Variants in REPS2 observed in about 807,000 individuals in gnomAD.
REPS2 encodes the protein RALBP1 associated Eps domain containing 2, also known as ralBP1-associated Eps domain-containing protein 2.
A neutral mutation model predicts 53.6 loss-of-function variants in REPS2; 23 were observed. The ratio of observed to expected loss-of-function variants is 0.43; its 90% CI spans 0.31 to 0.61. The LOEUF is 0.61. Among genes scored for constraint, REPS2 ranks in the 20% least tolerant of loss-of-function variants. The pLI, the probability that REPS2 is intolerant of heterozygous loss-of-function variation, is 0.11. For missense variants in REPS2, 446 were observed against 534.9 expected (o/e 0.83, Z 1.64); for synonymous variants, 238 against 218.6 (o/e 1.09, Z -0.78).
chrX:16,994,408 C>T (rs991826019), intron 1 of REPS2, among the ~76,000 whole-genome samples: 10 of 110,009 alleles, frequency 9.1e-5, no homozygotes, highest in African/African-American at 3.3e-4. Context: ...TATACACACA[C>T]GTACATATAT....
rs567613228 is a variant in REPS2 at position 17,031,276 on chromosome X, T to C, written c.771+1653T>C. On this transcript the variant is annotated intron_variant, in intron 5 of 17. Coordinates refer to ENST00000357277, the MANE Select transcript of REPS2 (RefSeq NM_004726.3). ...GCCAGATCCTGAATGGTTAGGATGA[T>C]AGTCAAACTACCAGTGCATACTGAG... Among the ~76,000 whole-genome samples, 16 of 112,085 alleles carry C rather than the reference T, an allele frequency of 1.4e-4. No homozygotes were observed. The South Asian group carries it at 5.9e-3, about 42-fold the overall frequency.
At chrX:16,955,785 C>CA (rs1490047795) in intron 1 of REPS2, among the ~76,000 whole-genome samples, 1 of 111,688 alleles carries the variant, frequency 9.0e-6, no homozygotes, top group Non-Finnish European at 1.9e-5. Flanking sequence ...TACAAAACAA[C>CA]AGAGACCAGG....
chrX:16,999,789 G>A (rs188155734), intron 1 of REPS2, among the ~76,000 whole-genome samples: 1,196 of 109,742 alleles, frequency 0.011, 9 homozygotes, highest in Non-Finnish European at 0.017. Flanking sequence ...GCTCACGCCT[G>A]TAATCCCAGC....
At chrX:17,126,076 G>A (rs62587803) in intron 14 of REPS2, among the ~76,000 whole-genome samples, 40 of 112,508 alleles carry the variant, frequency 3.6e-4, no homozygotes, top group Non-Finnish European at 6.6e-4. Flanking sequence ...ATTTATTAAT[G>A]TCATGTTCAT....
At chrX:16,949,463 G>A (rs1252276389) in intron 1 of REPS2, among the ~76,000 whole-genome samples, 3 of 111,961 alleles carry the variant, frequency 2.7e-5, no homozygotes, top group Non-Finnish European at 5.6e-5. Flanking sequence ...GCTGGAGTGC[G>A]GTGGCGTGAT....
chrX:17,138,864 C>T lies in REPS2; in HGVS notation c.1817C>T (p.Ser606Phe), dbSNP rs749663785. 3.3e-6 allele frequency: 4 copies of T among 1,195,020 alleles called. No homozygotes were observed. The East Asian group carries it at 1.2e-4, about 36-fold the overall frequency. The change falls in exon 17 of 18, where the codon TCC (serine) becomes TTC (phenylalanine). Residue 606 changes from serine to phenylalanine, a missense_variant. Ser to Phe is a radical substitution (Grantham distance 155). Transcript: ENST00000357277. ...TTTGTGCTTTTCTATAGGCAGTCTT[C>T]CAAACAGAAGAAGGCCATTCAAACT... ...KPHPTVQKQSSKQKKAIQTAI... is the reference protein window; with the variant it reads ...KPHPTVQKQSFKQKKAIQTAI...
At chrX:17,093,201 AT>A (rs66504615) in intron 13 of REPS2, among the ~76,000 whole-genome samples, 2,186 of 21,657 alleles carry the variant, frequency 0.1, 80 homozygotes, top group South Asian at 0.17. Flanking sequence ...TATATATATA[AT>A]TTTTTTTTTG....
Position 17,151,151 on chromosome X carries a change from G to A in REPS2, c.*3670G>A, listed in dbSNP as rs1011325478. 7.1e-5 allele frequency: 8 copies of A among 112,048 alleles called. No homozygotes were observed. The highest frequency in any genetic ancestry group is 1.3e-4 in the Non-Finnish European group (7 of 53,179). The allele number at this position is 112,048 out of a possible 1,213,427, so 9.2% of individuals were successfully genotyped here. A position where few individuals can be genotyped will look rare whatever the true frequency, so the allele number is the denominator to read the frequency against. The stretch of plus-strand genomic sequence containing the variant: ...GAGGTTGTTTTTAAAATAGACTACT[G>A]CGATTGAAATGAACTCAATATGTAG... On this transcript the variant is annotated 3_prime_UTR_variant, in exon 18 of 18. Coordinates refer to ENST00000357277, the MANE Select transcript of REPS2 (RefSeq NM_004726.3).
At chrX:17,116,631 C>T (rs1256029191) in intron 14 of REPS2, among the ~76,000 whole-genome samples, 3 of 111,870 alleles carry the variant, frequency 2.7e-5, no homozygotes, top group Non-Finnish European at 5.6e-5. Flanking sequence ...TGTTATTAAG[C>T]CTCTATCACT....
chrX:16,965,034 C>T (rs1344405480), intron 1 of REPS2, among the ~76,000 whole-genome samples: 2 of 85,308 alleles, frequency 2.3e-5, no homozygotes, highest in Non-Finnish European at 4.6e-5. Flanking sequence ...GCTGGCCGGG[C>T]GGGGGGCTGA....
intron 1 of REPS2, among the ~76,000 whole-genome samples, chrX:16,973,707 T>C (rs2060922089): frequency 9.0e-6 from 1 of 111,642 alleles, no homozygotes; most frequent in African/African-American, 3.2e-5. Context: ...GGAAATCCTG[T>C]ATACCCTTTA....
At chrX:17,017,364 C>T (rs755831074) in intron 2 of REPS2, among the ~76,000 whole-genome samples, 12 of 111,380 alleles carry the variant, frequency 1.1e-4, no homozygotes, top group African/African-American at 3.6e-4. Context: ...ACAAAAAGGT[C>T]GTAAAAAAAG....
chrX:17,099,639 G>T (rs1016318630), intron 13 of REPS2: 12 of 403,810 alleles, frequency 3.0e-5, no homozygotes, highest in Non-Finnish European at 4.3e-5. Context: ...TTGGGCTGCT[G>T]CAGGGCACAG....
At position 17,008,904 on chromosome X, in the gene REPS2, C is replaced by T. The variant is rs113293083; in HGVS notation, c.397+2560C>T. On this transcript the variant is annotated intron_variant, in intron 2 of 17. Transcript: ENST00000357277. The stretch of plus-strand genomic sequence containing the variant: ...CTCTAATCCCTAGTCCTTCCCATTT[C>T]GGTAAATGCCACCACCATCCTCAGC... 4.5e-3 allele frequency among the ~76,000 whole-genome samples: 499 copies of T among 111,189 alleles called. 2 individuals are homozygous for T. Among genetic ancestry groups the T allele is most frequent in the African/African-American group, 0.016 (480 of 30,589 alleles).
At chrX:17,048,151 T>G (rs748727880) in intron 6 of REPS2, among the ~76,000 whole-genome samples, 1 of 112,901 alleles carries the variant, frequency 8.9e-6, no homozygotes, top group South Asian at 3.6e-4. Flanking sequence ...GCTTTCTTTT[T>G]AGACTTTAAA....
intron 14 of REPS2, among the ~76,000 whole-genome samples, chrX:17,119,868 C>CTTTTTTTTTTTTTTTTTTTT (rs35141257): frequency 2.5e-5 from 1 of 40,516 alleles, no homozygotes; most frequent in African/African-American, 1.2e-4. Context: ...CGCACTGTGA[C>CTTTTTTTTTTTTTTTTTTTT]TTTTTTTTTT....
In REPS2 at chrX:17,103,581, TAAGCC is replaced by T; in HGVS notation, c.1517-136_1517-132del. 6 of 532,016 alleles carry T rather than the reference TAAGCC, an allele frequency of 1.1e-5. No individual in the cohort carries two copies. The Admixed American group carries it at 1.2e-4, about 11-fold the overall frequency. The allele number at this position is 532,016 out of a possible 1,213,427, so 43.8% of individuals were successfully genotyped here. On this transcript the variant is annotated intron_variant, in intron 13 of 17. Transcript: ENST00000357277. The stretch of plus-strand genomic sequence containing the variant: ...AGAAATAACGTGTACTCTTTTTTCT[TAAGCC>T]TTCAGAAGGACTGTAAAAACTTAAA...
In REPS2 at chrX:16,946,785, G is replaced by GT. The variant is rs1474334265; in HGVS notation, c.-77_-76insT. ...GGCGGCGGCGGCGGCAGCTGAGGCC[G>GT]AGGAGGCGGTGGCTGTGGCGGACGC... On this transcript the variant is annotated 5_prime_UTR_variant, in exon 1 of 18. Coordinates refer to ENST00000357277, the MANE Select transcript of REPS2 (RefSeq NM_004726.3). The GT allele has an allele frequency of 6.2e-4, 472 of 758,790 alleles. No homozygotes were observed. Among genetic ancestry groups the GT allele is most frequent in the Non-Finnish European group, 7.2e-4 (463 of 646,524 alleles). 62.5% of individuals were successfully genotyped at this position (758,790 alleles called of 1,213,427 possible).
At chrX:17,081,739 C>T (rs1345807650) in intron 13 of REPS2, among the ~76,000 whole-genome samples, 2 of 111,802 alleles carry the variant, frequency 1.8e-5, no homozygotes, top group Admixed American at 9.5e-5. Flanking sequence ...AGGGAGATCA[C>T]CATTTGTAAT....
Sources: allele counts gnomAD v4.1 joint callset (sites outside exome capture counted in the v4.1 genomes callset), GRCh38; gene constraint gnomAD v4.1.1; transcripts MANE v1.5; gene names NCBI Gene and HGNC (gene_info 2026-07-23, HGNC 2026-07-21).